Variants in BTAF1 observed in about 807,000 individuals in gnomAD.
The protein encoded by BTAF1 is TATA-binding protein-associated factor 172.
A neutral mutation model predicts 227.1 loss-of-function variants in BTAF1; 38 were observed. The ratio of observed to expected loss-of-function variants is 0.17; its 90% CI spans 0.13 to 0.22. The LOEUF (loss-of-function observed/expected upper bound fraction) is 0.22. BTAF1 is among the 10% of genes least tolerant of loss of function. BTAF1 has a pLI of 1.00. For synonymous variants in BTAF1, 742 were observed against 751.9 expected, an observed-to-expected ratio of 0.99 and a Z score of 0.21; for missense variants, 1,598 against 2,204.0, an observed-to-expected ratio of 0.73 and a Z score of 5.51.
In BTAF1 at chr10:92,029,737, T is replaced by C. The variant is rs1316233842; in HGVS notation, c.*804T>C. 6.6e-6 allele frequency: 1 copy of C among 152,102 alleles called. No homozygotes were observed. 9.4% of individuals were successfully genotyped at this position (152,102 alleles called of 1,614,324 possible). On this transcript the variant is annotated 3_prime_UTR_variant, in exon 38 of 38. Transcript: ENST00000265990. ...ATACACAGTTTTCCAGAAATAGATT[T>C]TACACTGTTTAGAATTCCAACACCT...
Position 91,935,799 on chromosome 10 carries a change from CT to C in BTAF1, c.138+23del. 1 of 1,571,490 alleles carries C rather than the reference CT, an allele frequency of 6.4e-7. No homozygotes were observed. Among genetic ancestry groups the C allele is most frequent in the Non-Finnish European group, 8.7e-7 (1 of 1,153,666 alleles). On this transcript the variant is annotated intron_variant, in intron 2 of 37. Transcript: ENST00000265990. ...GTCTAAAGTAAGAACTTTTTTTTTT[CT>C]TTTAGCATAATACAATTGTAGAGAC...
chr10:91,993,965 G>T (rs547251896), intron 22 of BTAF1, 118 bp downstream of exon 22: 84 of 762,130 alleles, frequency 1.1e-4, no homozygotes, highest in Non-Finnish European at 1.4e-4. Context: ...AGACCAGCTG[G>T]TAAGTTTTAA....
At chr10:92,019,025 G>T in intron 34 of BTAF1, 90 bp downstream of exon 34, 1 of 1,252,262 alleles carries the variant, frequency 8.0e-7, no homozygotes, top group South Asian at 2.3e-5. Context: ...TTACTACTGT[G>T]TTTACCATTT....
chr10:91,952,144 ATGTGTGTG>A lies in BTAF1; in HGVS notation c.564+586_564+593del, dbSNP rs537285079. On this transcript the variant is annotated intron_variant, in intron 5 of 37. Coordinates refer to ENST00000265990, the MANE Select transcript of BTAF1 (RefSeq NM_003972.3). ...TGTTTGTGTGTGTGTATATATGTAT[ATGTGTGTG>A]TGTGTGTTTGTGTGTGTGTGTGTGT... 2.7e-5 allele frequency among the ~76,000 whole-genome samples: 4 copies of A among 148,950 alleles called. No individual in the cohort carries two copies. The South Asian group carries it at 8.5e-4, about 32-fold the overall frequency.
Position 91,956,664 on chromosome 10 carries a change from T to C in BTAF1, c.831+7T>C. The C allele has an allele frequency of 1.2e-6, 2 of 1,608,856 alleles. No homozygotes were observed. The highest frequency in any genetic ancestry group is 2.2e-5 in the South Asian group (2 of 90,624). On this transcript the variant is annotated splice_region_variant and intron_variant, in intron 7 of 37. Transcript: ENST00000265990. The stretch of plus-strand genomic sequence containing the variant: ...CTCTTCCTTAATTGAAGAGGTACTC[T>C]TGAAAGACTCTAAAGTATCCATTAA...
chr10:91,964,309 T>A, intron 13 of BTAF1, 108 bp downstream of exon 13: 1 of 1,287,616 alleles, frequency 7.8e-7, no homozygotes, highest in Non-Finnish European at 1.1e-6. Flanking sequence ...TAATATTATT[T>A]AAGCTGGAGA....
intron 13 of BTAF1, among the ~76,000 whole-genome samples, chr10:91,966,429 G>A (rs1281292911): frequency 1.3e-5 from 2 of 152,094 alleles, no homozygotes; most frequent in Admixed American, 6.6e-5. Context: ...GACTGCATTT[G>A]CTCTGGCTCT....
At position 92,026,610 on chromosome 10, in the gene BTAF1, T is replaced by C. The variant is rs35333560; in HGVS notation, c.5094T>C (p.Ser1698=). The C allele has an allele frequency of 1.7e-5, 28 of 1,613,452 alleles. No individual in the cohort carries two copies. The highest frequency in any genetic ancestry group is 4.0e-5 in the African/African-American group (3 of 74,914). ...SIVSRFNNDP[S]IDVLLLTTHV... ...CTTTTAGGTTTAATAATGATCCATCTATAGACGTTCTGTTACTTACCACTC... is the reference window on the plus strand; with the variant it reads ...CTTTTAGGTTTAATAATGATCCATCCATAGACGTTCTGTTACTTACCACTC... The change falls in exon 36 of 38, where the codon TCT becomes TCC. Residue 1698 remains serine (S), a synonymous_variant. Coordinates refer to ENST00000265990, the MANE Select transcript of BTAF1 (RefSeq NM_003972.3).
intron 9 of BTAF1, 147 bp downstream of exon 9, chr10:91,959,301 A>G: frequency 7.0e-7 from 1 of 1,435,386 alleles, no homozygotes; most frequent in East Asian, 2.6e-5. Flanking sequence ...CATACAATGG[A>G]TTGAAAAGTA....
rs1202750474 is a variant in BTAF1, at chr10:91,982,635, G to C, written c.2097G>C (p.Val699=). The part of the protein sequence containing the change: ...CCCICDPGVN[V]VTQEIKPAES... ...GTATTTGTGATCCAGGTGTAAATGTGGTAACTCAAGAAATTAAACCAGCTG... is the reference window on the plus strand; with the variant it reads ...GTATTTGTGATCCAGGTGTAAATGTCGTAACTCAAGAAATTAAACCAGCTG... The change falls in exon 18 of 38, where the codon GTG becomes GTC. Residue 699 remains valine, a synonymous_variant. Coordinates refer to ENST00000265990, the MANE Select transcript of BTAF1 (RefSeq NM_003972.3). 1 of 1,613,722 alleles carries C rather than the reference G, an allele frequency of 6.2e-7. No homozygotes were observed. The highest frequency in any genetic ancestry group is 1.7e-5 in the Admixed American group (1 of 60,006).
intron 14 of BTAF1, among the ~76,000 whole-genome samples, chr10:91,976,665 G>GA (rs563665865): frequency 2.0e-5 from 3 of 151,950 alleles, no homozygotes; most frequent in South Asian, 4.1e-4. Flanking sequence ...ACAAAATGCT[G>GA]AAAAAAAATT....
chr10:92,024,747 C>G lies in BTAF1; in HGVS notation c.4864-9C>G, dbSNP rs75241022. ...CGCTTATGTAGTTTTTTTTTTTTTT[C>G]TTCCTAAGTTGCTGTTGGACTGCGG... is the stretch of plus-strand genomic sequence containing the variant. On this transcript the variant is annotated splice_polypyrimidine_tract_variant and intron_variant, in intron 34 of 37. Coordinates refer to ENST00000265990, the MANE Select transcript of BTAF1 (RefSeq NM_003972.3). 6.7e-6 allele frequency: 5 copies of G among 749,364 alleles called. No individual in the cohort carries two copies. The highest frequency in any genetic ancestry group is 7.3e-6 in the Non-Finnish European group (4 of 548,838). The allele number at this position is 749,364 out of a possible 1,614,324, so 46.4% of individuals were successfully genotyped here.
intron 26 of BTAF1, 126 bp from the exon 27 acceptor site, chr10:92,008,703 C>A: frequency 1.1e-6 from 1 of 881,246 alleles, no homozygotes. Flanking sequence ...TGTCTTATAC[C>A]CATTTATTTC....
At chr10:91,982,861 A>G in intron 18 of BTAF1, 100 bp downstream of exon 18, 1 of 1,239,062 alleles carries the variant, frequency 8.1e-7, no homozygotes, top group Non-Finnish European at 1.1e-6. Context: ...TTTTCGATGT[A>G]TAAAAATCCA....
At chr10:91,993,421 C>T (rs1848935597) in intron 21 of BTAF1, among the ~76,000 whole-genome samples, 1 of 152,134 alleles carries the variant, frequency 6.6e-6, no homozygotes, top group Non-Finnish European at 1.5e-5. Flanking sequence ...AGGACTATCT[C>T]TAGAAACAGC....
intron 1 of BTAF1, chr10:91,935,201 T>A: frequency 6.5e-6 from 1 of 153,798 alleles, no homozygotes; most frequent in Non-Finnish European, 1.5e-5. Flanking sequence ...AATGATCATA[T>A]TAGCATATTA....
intron 24 of BTAF1, chr10:91,997,323 G>GA (rs753327092): frequency 2.3e-5 from 12 of 513,980 alleles, no homozygotes; most frequent in South Asian, 1.8e-4. Flanking sequence ...ATTTCTCTAT[G>GA]AAAAAAATCT....
intron 22 of BTAF1, 78 bp downstream of exon 22, chr10:91,993,925 AATGCCTCT>A: frequency 8.6e-7 from 1 of 1,169,060 alleles, no homozygotes; most frequent in Non-Finnish European, 1.1e-6. Context: ...ATAAAATAAA[AATGCCTCT>A]ATGCCTCTAC....
chr10:92,013,858 C>A (rs779023034), intron 31 of BTAF1, 41 bp from the exon 32 acceptor site: 4 of 1,612,660 alleles, frequency 2.5e-6, no homozygotes, highest in South Asian at 2.2e-5. Flanking sequence ...ATAATTTATT[C>A]TTAACTTTTT....
Sources: gnomAD v4.1 joint callset for allele counts (sites outside exome capture counted in the v4.1 genomes callset) on GRCh38, gnomAD v4.1.1 for gene constraint, MANE v1.5 for transcripts, NCBI Gene and HGNC (gene_info 2026-07-23, HGNC 2026-07-21) for gene names.